FAT1: variants seen among roughly 807,000 people sequenced by gnomAD.
FAT1 encodes FAT atypical cadherin 1, also known as protocadherin Fat 1.
Under a neutral mutation model 329.8 loss-of-function variants are expected in FAT1, and 171 were observed. The ratio of observed to expected loss-of-function variants is 0.52; its 90% CI spans 0.46 to 0.59. The LOEUF is 0.59. Ranked by LOEUF, FAT1 falls within the 20% of genes least tolerant of loss-of-function variation. The pLI is 0.00. For synonymous variants in FAT1, 2,233 were observed against 2,228.6 expected, an observed-to-expected ratio of 1.00 and a Z score of -0.06; for missense variants, 5,672 against 5,774.4, an observed-to-expected ratio of 0.98 and a Z score of 0.57.
chr4:186,668,644 A>T (rs11724817), intron 2 of FAT1, among the ~76,000 whole-genome samples: 22,408 of 152,160 alleles, frequency 0.15, 2,024 homozygotes, highest in East Asian at 0.48. Context: ...TCATTAAGTC[A>T]TTAGCAGTTC....
At chr4:186,624,215 T>C (rs1310938601) in intron 9 of FAT1, among the ~76,000 whole-genome samples, 1 of 149,700 alleles carries the variant, frequency 6.7e-6, no homozygotes, top group Non-Finnish European at 1.5e-5. Flanking sequence ...TGAGTGATTT[T>C]TAAACAACTT....
intron 2 of FAT1, among the ~76,000 whole-genome samples, chr4:186,699,029 T>C (rs928516698): frequency 1.3e-5 from 2 of 152,194 alleles, no homozygotes; most frequent in East Asian, 3.9e-4. Context: ...ATGAACTCCA[T>C]GAGCAGAGTA....
At chr4:186,615,214 C>T (rs562766453) in intron 11 of FAT1, among the ~76,000 whole-genome samples, 4 of 152,114 alleles carry the variant, frequency 2.6e-5, no homozygotes, top group African/African-American at 9.6e-5. Flanking sequence ...AAGACAGTTG[C>T]TGTAAGAGAG....
intron 2 of FAT1, among the ~76,000 whole-genome samples, chr4:186,671,527 G>A (rs1016715153): frequency 1.3e-5 from 2 of 151,674 alleles, no homozygotes; most frequent in African/African-American, 4.8e-5. Context: ...TTGAAACCCC[G>A]TCTCTACTAA....
chr4:186,697,928 G>GAATCA (rs1365143687), intron 2 of FAT1, among the ~76,000 whole-genome samples: 1 of 152,168 alleles, frequency 6.6e-6, no homozygotes, highest in Non-Finnish European at 1.5e-5. Flanking sequence ...CCTTGGTATT[G>GAATCA]AATCAAATCA....
At chr4:186,645,368 TATATATATATATATA>T in intron 3 of FAT1, among the ~76,000 whole-genome samples, 1 of 1,568 alleles carries the variant, frequency 6.4e-4, no homozygotes, top group South Asian at 0.045. Flanking sequence ...CTTCATTACA[TATATATATATATATA>T]TATATATATA....
chr4:186,707,946 G>T lies in FAT1; in HGVS notation c.1882C>A (p.Arg628=), dbSNP rs766787268. 6 of 1,613,910 alleles carry T rather than the reference G, an allele frequency of 3.7e-6. No homozygotes were observed. Among genetic ancestry groups the T allele is most frequent in the Non-Finnish European group, 5.1e-6 (6 of 1,179,904 alleles). The change falls in exon 2 of 27, where the codon CGA becomes AGA. Residue 628 remains arginine, a synonymous_variant. Transcript: ENST00000441802. ...GCACCTAAGCCATCCATTAGCGATC[G>T]CTTTAATGACAATACCCCCGAGTTG... ...NPNSGVLSLK[R]SLMDGLGAKV...
rs374054922 is a variant in FAT1 at position 186,617,826 on chromosome 4, G to T, written c.8760C>A (p.Ala2920=). Residue 2920 remains alanine (A), a synonymous_variant, in exon 10 of 27, where the codon GCC becomes GCA. Coordinates refer to ENST00000441802, the MANE Select transcript of FAT1 (RefSeq NM_005245.4). ...CACTCACAGTCCCTTTATAGATCTC[G>T]GCCGTGAATCGTGGTGGACTATCGT... is the stretch of plus-strand genomic sequence containing the variant. ...DVNDSPPRFT[A]EIYKGTVSED... The T allele has an allele frequency of 6.2e-7, 1 of 1,613,916 alleles. No homozygotes were observed. The highest frequency in any genetic ancestry group is 8.5e-7 in the Non-Finnish European group (1 of 1,179,876).
intron 11 of FAT1, 23 bp from the exon 12 acceptor site, chr4:186,614,367 C>T (rs755163148): frequency 1.3e-5 from 19 of 1,482,202 alleles, no homozygotes; most frequent in Middle Eastern, 1.8e-4. Context: ...TAAACAAAAA[C>T]GTTACATAAA....
In FAT1 at chr4:186,708,653, AT is replaced by A; in HGVS notation, c.1174del (p.Ile392PhefsTer7). ...ATACCTCAAATGGGAATAAGCAGGA[AT>A]GGCCTTTACCATGACCACAGGTGTG... ...PNTPVVMVKA[I>X]PAYSHLRYVF... On this transcript the variant is annotated frameshift_variant, in exon 2 of 27. Transcript: ENST00000441802. LOFTEE classifies it high-confidence loss of function. 1.9e-6 allele frequency: 3 copies of A among 1,613,950 alleles called. No individual in the cohort carries two copies. The highest frequency in any genetic ancestry group is 2.5e-6 in the Non-Finnish European group (3 of 1,179,886).
rs2126692101 is a variant in FAT1 at position 186,707,887 on chromosome 4, A to G, written c.1941T>C (p.Ala647=). Residue 647 remains alanine, a synonymous_variant, in exon 2 of 27, where the codon GCT becomes GCC. Transcript: ENST00000441802. ...GTGTGGCAAAATTTTCTCCATCTGT[A>G]GCTGTGATTCTCAGACTGTGGAAAG... ...KVSFHSLRIT[A]TDGENFATPL... 6.2e-7 allele frequency: 1 copy of G among 1,613,948 alleles called. No individual in the cohort carries two copies. The highest frequency in any genetic ancestry group is 8.5e-7 in the Non-Finnish European group (1 of 1,179,894).
Position 186,706,977 on chromosome 4 carries a change from C to T in FAT1, c.2851G>A (p.Ala951Thr), listed in dbSNP as rs747646457. Residue 951 changes from alanine to threonine, a missense_variant, in exon 2 of 27, where the codon GCC becomes ACC. By Grantham distance (58) the Ala-to-Thr change is moderately conservative. Transcript: ENST00000441802. ...PEGTVIMWLE[A>T]HDPDLGQSGQ... ...GACTGACCTAAATCAGGATCGTGGGCTTCTAACCACATGATGACGGTTCCT... is the reference window on the plus strand; with the variant it reads ...GACTGACCTAAATCAGGATCGTGGGTTTCTAACCACATGATGACGGTTCCT... 8 of 1,613,876 alleles carry T rather than the reference C, an allele frequency of 5.0e-6. No individual in the cohort carries two copies. Among genetic ancestry groups the T allele is most frequent in the African/African-American group, 1.3e-5 (1 of 74,932 alleles).
chr4:186,603,846 T>G lies in FAT1; in HGVS notation c.10680A>C (p.Ser3560=). 1 of 1,613,928 alleles carries G rather than the reference T, an allele frequency of 6.2e-7. No individual in the cohort carries two copies. The highest frequency in any genetic ancestry group is 8.5e-7 in the Non-Finnish European group (1 of 1,179,886). The part of the protein sequence containing the change: ...IFITSSGEEY[S]GGVIGKIHAT... ...CATGGATCTTCCCAATGACGCCACC[T>G]GAGTATTCTTCTCCAGAAGAGGTGA... is the stretch of plus-strand genomic sequence containing the variant. Residue 3560 remains serine (S), a synonymous_variant, in exon 19 of 27, where the codon TCA becomes TCC. Coordinates refer to ENST00000441802, the MANE Select transcript of FAT1 (RefSeq NM_005245.4).
intron 26 of FAT1, among the ~76,000 whole-genome samples, chr4:186,593,797 A>C (rs1738356252): frequency 1.3e-5 from 2 of 152,144 alleles, no homozygotes; most frequent in South Asian, 4.1e-4. Context: ...TGTGAGACAC[A>C]GGGGTTGGGC....
rs115420826 is a variant in FAT1, at chr4:186,597,905, T to C, written c.12257+67A>G. 2,420 of 1,572,120 alleles carry C rather than the reference T, an allele frequency of 1.5e-3. 34 individuals carry two copies. In the African/African-American group the frequency reaches 0.028, roughly 18 times the overall value. ...CAAATTAACGTGCAGACTTTTTACA[T>C]GTACCATTATATGTTTAAGAATTTT... On this transcript the variant is annotated intron_variant, in intron 23 of 26. Transcript: ENST00000441802.
intron 3 of FAT1, among the ~76,000 whole-genome samples, chr4:186,659,011 C>T (rs1001775831): frequency 1.3e-5 from 2 of 152,218 alleles, no homozygotes; most frequent in African/African-American, 4.8e-5. Context: ...CAGTTAACCA[C>T]GGGCTGCATA....
chr4:186,696,610 T>C (rs1181032131), intron 2 of FAT1, among the ~76,000 whole-genome samples: 1 of 152,012 alleles, frequency 6.6e-6, no homozygotes, highest in Admixed American at 6.5e-5. Flanking sequence ...GTAAAAAAAT[T>C]AATAGAAAGC....
chr4:186,628,850 A>G (rs1560950317), intron 7 of FAT1, 87 bp from the exon 8 acceptor site: 8 of 1,295,142 alleles, frequency 6.2e-6, no homozygotes, highest in Non-Finnish European at 8.4e-6. Context: ...AGTCATGTAT[A>G]TTGAAACGAT....
chr4:186,719,943 T>A (rs1031855602), intron 1 of FAT1, among the ~76,000 whole-genome samples: 1 of 152,234 alleles, frequency 6.6e-6, no homozygotes, highest in African/African-American at 2.4e-5. Context: ...ATTCTTTAGC[T>A]TGAAAATATT....
Sources: allele counts gnomAD v4.1 joint callset (sites outside exome capture counted in the v4.1 genomes callset), GRCh38; gene constraint gnomAD v4.1.1; transcripts MANE v1.5; gene names NCBI Gene and HGNC (gene_info 2026-07-23, HGNC 2026-07-21).